Variants in SDK1 observed in about 807,000 individuals in gnomAD.
SDK1 encodes the protein protein sidekick-1.
A neutral mutation model predicts 245.5 loss-of-function variants in SDK1; 157 were observed. The observed-to-expected ratio is 0.64, with a 90% CI of 0.56 to 0.73. The LOEUF is 0.73. SDK1 is among the 30% of genes least tolerant of loss of function. The probability of loss-of-function intolerance (pLI) is 0.00; values close to 1 mark genes in which losing one functional copy is unlikely to be tolerated. For synonymous variants in SDK1, 1,647 were observed against 1,278.5 expected (o/e 1.29, Z -6.15); for missense variants, 3,583 against 3,002.3 (o/e 1.19, Z -4.52).
At chr7:3,810,400 A>G (rs1457477982) in intron 4 of SDK1, among the ~76,000 whole-genome samples, 1 of 152,062 alleles carries the variant, frequency 6.6e-6, no homozygotes, top group Non-Finnish European at 1.5e-5. Context: ...GTTTCTGCCT[A>G]AACCTGGGCT....
intron 14 of SDK1, among the ~76,000 whole-genome samples, chr7:4,001,343 C>G (rs1302417133): frequency 6.6e-6 from 1 of 152,234 alleles, no homozygotes; most frequent in Admixed American, 6.5e-5. Flanking sequence ...CAACCTCCTG[C>G]CCCTTCTCTG....
At position 4,074,032 on chromosome 7, in the gene SDK1, G is replaced by GT. The variant is rs986314453; in HGVS notation, c.3011-2959dup. Among the ~76,000 whole-genome samples, 4 of 152,214 alleles carry GT rather than the reference G, an allele frequency of 2.6e-5. No homozygotes were observed. The East Asian group carries it at 7.7e-4, about 29-fold the overall frequency. ...GGTTGTTGGGCAGGGGGCCGTAGGT[G>GT]TTTTTTTAGGGTTGTCCTGTTGCAT... On this transcript the variant is annotated intron_variant, in intron 20 of 44. Coordinates refer to ENST00000404826, the MANE Select transcript of SDK1 (RefSeq NM_152744.4).
chr7:3,445,270 C>T (rs1188698289), intron 1 of SDK1, among the ~76,000 whole-genome samples: 1 of 152,058 alleles, frequency 6.6e-6, no homozygotes, highest in African/African-American at 2.4e-5. Flanking sequence ...TGGGTATAAT[C>T]TTAGATACCT....
intron 4 of SDK1, among the ~76,000 whole-genome samples, chr7:3,807,098 C>T (rs555178375): frequency 5.9e-4 from 90 of 152,218 alleles, no homozygotes; most frequent in African/African-American, 2.2e-3. Flanking sequence ...AAAGCCTTAC[C>T]TGGGAAAGTC....
chr7:3,322,823 C>T (rs1779850543), intron 1 of SDK1, among the ~76,000 whole-genome samples: 1 of 152,064 alleles, frequency 6.6e-6, no homozygotes, highest in Non-Finnish European at 1.5e-5. Flanking sequence ...TTCCCCCACC[C>T]ATAAGACCTT....
intron 1 of SDK1, among the ~76,000 whole-genome samples, chr7:3,390,481 C>A (rs1562457980): frequency 6.6e-6 from 1 of 152,122 alleles, no homozygotes; most frequent in African/African-American, 2.4e-5. Context: ...TAAATAGTGT[C>A]ACCCCAGAAA....
At chr7:3,727,161 C>T (rs1282083205) in intron 4 of SDK1, among the ~76,000 whole-genome samples, 2 of 152,188 alleles carry the variant, frequency 1.3e-5, no homozygotes, top group Non-Finnish European at 2.9e-5. Context: ...TTTTCACTTG[C>T]ATCATAAATA....
chr7:3,561,118 G>A (rs958509254), intron 1 of SDK1, among the ~76,000 whole-genome samples: 2 of 152,052 alleles, frequency 1.3e-5, no homozygotes, highest in African/African-American at 4.8e-5. Context: ...TTGCAAGCTT[G>A]ATGAGGGTAG....
At chr7:3,801,957 C>T (rs972477357) in intron 4 of SDK1, among the ~76,000 whole-genome samples, 1 of 152,210 alleles carries the variant, frequency 6.6e-6, no homozygotes, top group Non-Finnish European at 1.5e-5. Context: ...AGACTTTCTG[C>T]TTTCATGGAT....
In SDK1 at chr7:4,171,468, G is replaced by GT. The variant is rs929154341; in HGVS notation, c.4801-2747dup. On this transcript the variant is annotated intron_variant, in intron 32 of 44. Transcript: ENST00000404826. ...AGATTCTGATTTAGCTGGGTGTCTTGTTTTTTTATAGCTTTAAAAAAAGCA... is the reference window on the plus strand; with the variant it reads ...AGATTCTGATTTAGCTGGGTGTCTTGTTTTTTTTATAGCTTTAAAAAAAGCA... Among the ~76,000 whole-genome samples the GT allele has an allele frequency of 8.5e-5, 13 of 152,222 alleles. 1 individual carries two copies. In the South Asian group the frequency reaches 1.5e-3, roughly 17 times the overall value.
chr7:3,596,950 G>T (rs1161146589), intron 1 of SDK1, among the ~76,000 whole-genome samples: 1 of 152,148 alleles, frequency 6.6e-6, no homozygotes, highest in Non-Finnish European at 1.5e-5. Context: ...AACACTGGCC[G>T]CCTGTGATTG....
At chr7:3,779,937 T>C (rs1583406060) in intron 4 of SDK1, among the ~76,000 whole-genome samples, 1 of 72,922 alleles carries the variant, frequency 1.4e-5, no homozygotes, top group African/African-American at 6.6e-5. Flanking sequence ...AGACTCCGTC[T>C]CAAAAAAAAA....
At chr7:3,390,583 A>G (rs1450836964) in intron 1 of SDK1, among the ~76,000 whole-genome samples, 1 of 152,200 alleles carries the variant, frequency 6.6e-6, no homozygotes, top group Non-Finnish European at 1.5e-5. Context: ...ATTAGACCGG[A>G]CTATAATCCA....
intron 4 of SDK1, among the ~76,000 whole-genome samples, chr7:3,688,494 A>G (rs1416478753): frequency 6.6e-6 from 1 of 152,284 alleles, no homozygotes; most frequent in Non-Finnish European, 1.5e-5. Context: ...AAAGCACTTC[A>G]TAAATGCTCT....
intron 1 of SDK1, among the ~76,000 whole-genome samples, chr7:3,551,475 A>G (rs919859826): frequency 6.6e-6 from 1 of 152,082 alleles, no homozygotes; most frequent in Non-Finnish European, 1.5e-5. Flanking sequence ...CTTTAAAATG[A>G]GCTGATTATG....
intron 1 of SDK1, among the ~76,000 whole-genome samples, chr7:3,563,946 C>T (rs1348195282): frequency 6.6e-6 from 1 of 151,894 alleles, no homozygotes; most frequent in Non-Finnish European, 1.5e-5. Flanking sequence ...TAACATATTT[C>T]TAAATAGCTA....
chr7:4,268,352 C>T lies in SDK1; in HGVS notation c.*2968C>T, dbSNP rs1321004020. 4 of 1,048,950 alleles carry T rather than the reference C, an allele frequency of 3.8e-6. No homozygotes were observed. Among genetic ancestry groups the T allele is most frequent in the Admixed American group, 5.0e-5 (1 of 19,940 alleles). The allele number at this position is 1,048,950 out of a possible 1,614,324, so 65.0% of individuals were successfully genotyped here. A position where few individuals can be genotyped will look rare whatever the true frequency, so the allele number is the denominator to read the frequency against. On this transcript the variant is annotated 3_prime_UTR_variant, in exon 45 of 45. Coordinates refer to ENST00000404826, the MANE Select transcript of SDK1 (RefSeq NM_152744.4). Reference sequence around the variant, plus strand: ...GAGCCCAGAGAGAGCTGCCAGGCCACACCCCCTCGGCCTCCTGCACGGCCA... The same window carrying T: ...GAGCCCAGAGAGAGCTGCCAGGCCATACCCCCTCGGCCTCCTGCACGGCCA...
intron 4 of SDK1, among the ~76,000 whole-genome samples, chr7:3,783,264 CAGT>C (rs752080960): frequency 2.0e-5 from 3 of 152,196 alleles, no homozygotes; most frequent in South Asian, 2.1e-4. Flanking sequence ...AAATTATACT[CAGT>C]GGTGAAAAAT....
At chr7:3,371,300 G>T (rs541702002) in intron 1 of SDK1, among the ~76,000 whole-genome samples, 1 of 152,264 alleles carries the variant, frequency 6.6e-6, no homozygotes, top group East Asian at 1.9e-4. Context: ...ATTAGATCTA[G>T]ATGGGGCTCT....
Sources: allele counts gnomAD v4.1 joint callset (sites outside exome capture counted in the v4.1 genomes callset), GRCh38; gene constraint gnomAD v4.1.1; transcripts MANE v1.5; gene names NCBI Gene and HGNC (gene_info 2026-07-23, HGNC 2026-07-21).